Variants in GUCY2F observed in about 807,000 individuals in gnomAD.
GUCY2F encodes guanylate cyclase 2F, retinal.
Under a neutral mutation model 73.1 loss-of-function variants are expected in GUCY2F, and 61 were observed. The ratio of observed to expected loss-of-function variants is 0.83; its 90% confidence interval spans 0.68 to 1.03. The LOEUF (loss-of-function observed/expected upper bound fraction) is 1.03, where lower values mean the gene tolerates loss of function less well. Among genes scored for constraint, GUCY2F ranks in the 50% least tolerant of loss-of-function variants. The pLI is 0.00. For missense variants in GUCY2F, 912 were observed against 854.3 expected (o/e 1.07, Z -0.84); for synonymous variants, 331 against 307.8 (o/e 1.08, Z -0.79).
chrX:109,396,771 G>T (rs990842622), intron 11 of GUCY2F, among the ~76,000 whole-genome samples: 1 of 112,425 alleles, frequency 8.9e-6, no homozygotes, highest in Non-Finnish European at 1.9e-5. Context: ...CACACATTCT[G>T]TTCCTTTAAC....
intron 5 of GUCY2F, among the ~76,000 whole-genome samples, chrX:109,450,946 G>C (rs1383218733): frequency 1.8e-5 from 2 of 111,055 alleles, no homozygotes; most frequent in Non-Finnish European, 3.8e-5. Context: ...AAGGTTAGGG[G>C]GCTTACCCAA....
At chrX:109,374,924 A>C (rs1283042653) in intron 19 of GUCY2F, among the ~76,000 whole-genome samples, 1 of 112,064 alleles carries the variant, frequency 8.9e-6, no homozygotes, top group Admixed American at 9.5e-5. Context: ...CTTAGGACAG[A>C]AACAGTCACA....
intron 1 of GUCY2F, among the ~76,000 whole-genome samples, chrX:109,476,740 A>AGAT (rs1932704074): frequency 2.9e-5 from 3 of 104,475 alleles, no homozygotes; most frequent in Admixed American, 1.0e-4. Flanking sequence ...ATAGATAGAT[A>AGAT]GATAGATAGA....
At chrX:109,449,005 G>T (rs1932083137) in intron 5 of GUCY2F, among the ~76,000 whole-genome samples, 2 of 111,574 alleles carry the variant, frequency 1.8e-5, no homozygotes, top group African/African-American at 6.5e-5. Context: ...GGTCTGACTG[G>T]GTAACTTGAA....
At chrX:109,479,204 G>A (rs1932750038) in intron 1 of GUCY2F, among the ~76,000 whole-genome samples, 2 of 112,122 alleles carry the variant, frequency 1.8e-5, no homozygotes, top group Admixed American at 1.9e-4. Flanking sequence ...CTTTGAGAAT[G>A]GAAATCTTGA....
At chrX:109,469,349 AG>A (rs1158375459) in intron 2 of GUCY2F, among the ~76,000 whole-genome samples, 1 of 110,926 alleles carries the variant, frequency 9.0e-6, no homozygotes, top group Non-Finnish European at 1.9e-5. Flanking sequence ...CTTGAGAGAG[AG>A]TAACTGTGTT....
At chrX:109,399,870 G>A (rs889549578) in intron 10 of GUCY2F, among the ~76,000 whole-genome samples, 2 of 109,630 alleles carry the variant, frequency 1.8e-5, no homozygotes, top group Non-Finnish European at 3.8e-5. Flanking sequence ...AATTGCGGGT[G>A]GGGGGATGCC....
chrX:109,435,839 G>A (rs1276643485), intron 7 of GUCY2F, among the ~76,000 whole-genome samples: 1 of 111,246 alleles, frequency 9.0e-6, no homozygotes, highest in Non-Finnish European at 1.9e-5. Flanking sequence ...TAGCATGAAG[G>A]GTTGTTGAAT....
At chrX:109,423,166 T>A (rs1415411738) in intron 8 of GUCY2F, among the ~76,000 whole-genome samples, 1 of 112,498 alleles carries the variant, frequency 8.9e-6, no homozygotes, top group Non-Finnish European at 1.9e-5. Flanking sequence ...TCTTTTTCTA[T>A]AAACTACAGA....
chrX:109,398,916 A>G (rs1044676416), intron 10 of GUCY2F, among the ~76,000 whole-genome samples: 9 of 112,003 alleles, frequency 8.0e-5, no homozygotes, highest in African/African-American at 2.9e-4. Context: ...AGGACCACGC[A>G]GGCAGACACA....
intron 17 of GUCY2F, 112 bp downstream of exon 17, chrX:109,382,006 A>G (rs1207674840): frequency 4.6e-6 from 2 of 436,734 alleles, no homozygotes; most frequent in Non-Finnish European, 8.2e-6. Context: ...ATTCTGCCCA[A>G]GTTATAGCTC....
Position 109,475,437 on chromosome X carries a change from C to T in GUCY2F, c.500G>A (p.Arg167Gln). Reference protein sequence around the residue: ...DNKISYPTFSRTLPSPIRVLV... With the variant: ...DNKISYPTFSQTLPSPIRVLV... The stretch of plus-strand genomic sequence containing the variant: ...CACCCGGATGGGAGAAGGGAGTGTC[C>T]GAGAAAAGGTCGGGTAGCTAATTTT... The change falls in exon 2 of 20, where the codon CGG (arginine) becomes CAG (glutamine). Residue 167 changes from arginine to glutamine, a missense_variant. Coordinates refer to ENST00000218006, the MANE Select transcript of GUCY2F (RefSeq NM_001522.3). 8.3e-7 allele frequency: 1 copy of T among 1,211,120 alleles called. No homozygotes were observed. The highest frequency in any genetic ancestry group is 1.1e-6 in the Non-Finnish European group (1 of 894,955).
chrX:109,404,267 A>G, intron 10 of GUCY2F, 61 bp downstream of exon 10: 1 of 831,983 alleles, frequency 1.2e-6, no homozygotes, highest in South Asian at 2.6e-5. Context: ...TTCAGTGCAT[A>G]TTTTCATTTG....
rs147971304 is a variant in GUCY2F at position 109,393,841 on chromosome X, A to T, written c.2425-786T>A. On this transcript the variant is annotated intron_variant, in intron 12 of 19. Coordinates refer to ENST00000218006, the MANE Select transcript of GUCY2F (RefSeq NM_001522.3). Reference sequence around the variant, plus strand: ...AGTCAACATGCACATGACTGTGTTCACAACAACAAAAAATCGGAGGTGGTT... The same window carrying T: ...AGTCAACATGCACATGACTGTGTTCTCAACAACAAAAAATCGGAGGTGGTT... Among the ~76,000 whole-genome samples, 19 of 112,477 alleles carry T rather than the reference A, an allele frequency of 1.7e-4. No homozygotes were observed. The East Asian group carries it at 4.8e-3, about 28-fold the overall frequency.
In GUCY2F at chrX:109,404,412, G is replaced by A. The variant is rs138523533; in HGVS notation, c.2041C>T (p.Arg681Cys). ...LKSRNCVVDGRFVLKVTDYGF... is the reference protein window; with the variant it reads ...LKSRNCVVDGCFVLKVTDYGF... ...TAATCTGTCACTTTTAGTACAAAAC[G>A]CCCATCTACCACACAGTTTCGAGAC... is the stretch of plus-strand genomic sequence containing the variant. The change falls in exon 10 of 20, where the codon CGT becomes TGT. Residue 681 changes from arginine (R) to cysteine (C), a missense_variant. Physicochemically the swap from Arg to Cys is radical, Grantham distance 180. Transcript: ENST00000218006. 4.3e-5 allele frequency: 51 copies of A among 1,180,370 alleles called. No individual in the cohort carries two copies. In the African/African-American group the frequency reaches 8.1e-4, roughly 19 times the overall value.
chrX:109,467,407 T>C (rs775033478), intron 2 of GUCY2F, among the ~76,000 whole-genome samples: 1 of 112,191 alleles, frequency 8.9e-6, no homozygotes, highest in South Asian at 3.7e-4. Flanking sequence ...AAATCAGAGA[T>C]TGAGTGATTT....
intron 7 of GUCY2F, among the ~76,000 whole-genome samples, chrX:109,434,988 G>C (rs6642685): frequency 0.06 from 6,474 of 107,698 alleles, 694 homozygotes; most frequent in African/African-American, 0.22. Context: ...TGATCTATAT[G>C]TCTGTTTTGG....
At chrX:109,466,216 C>T (rs2147282145) in intron 2 of GUCY2F, among the ~76,000 whole-genome samples, 1 of 111,327 alleles carries the variant, frequency 9.0e-6, no homozygotes, top group Non-Finnish European at 1.9e-5. Context: ...TTATACTTAC[C>T]TGTTGAGCAT....
intron 6 of GUCY2F, among the ~76,000 whole-genome samples, chrX:109,445,774 G>A (rs1931989704): frequency 9.0e-6 from 1 of 111,389 alleles, no homozygotes; most frequent in Non-Finnish European, 1.9e-5. Flanking sequence ...TTCTGTCCAG[G>A]GCAATCAGGC....
Sources: gnomAD v4.1 joint callset for allele counts (sites outside exome capture counted in the v4.1 genomes callset) on GRCh38, gnomAD v4.1.1 for gene constraint, MANE v1.5 for transcripts, NCBI Gene and HGNC (gene_info 2026-07-23, HGNC 2026-07-21) for gene names.